The following AGBL1 variants were observed in gnomAD, a reference collection of about 807,000 sequenced individuals.
The protein encoded by AGBL1 is AGBL carboxypeptidase 1, also known as cytosolic carboxypeptidase 4.
In AGBL1, 130 loss-of-function variants were observed where a neutral mutation model predicts 118.9. The observed-to-expected ratio is 1.09, with a 90% CI of 0.95 to 1.26. The LOEUF (loss-of-function observed/expected upper bound fraction) is 1.26. Ranked by LOEUF, AGBL1 falls within the 50% of genes most tolerant of loss-of-function variation. The pLI is 0.00. For missense variants in AGBL1, 1,584 were observed against 1,298.1 expected (o/e 1.22, Z -3.38); for synonymous variants, 555 against 478.9 (o/e 1.16, Z -2.08).
intron 3 of AGBL1, among the ~76,000 whole-genome samples, chr15:86,150,925 C>G (rs1351404372): frequency 1.3e-5 from 2 of 151,838 alleles, no homozygotes; most frequent in East Asian, 1.9e-4. Context: ...CAATGATAGA[C>G]TGGATTAAAA....
intron 23 of AGBL1, among the ~76,000 whole-genome samples, chr15:86,982,474 GA>G (rs2081240636): frequency 6.6e-6 from 1 of 151,758 alleles, no homozygotes; most frequent in East Asian, 1.9e-4. Flanking sequence ...TGAACAATAT[GA>G]ATGTGATCTC....
chr15:86,541,926 T>C (rs1383654313), intron 19 of AGBL1, among the ~76,000 whole-genome samples: 3 of 152,210 alleles, frequency 2.0e-5, no homozygotes, highest in Non-Finnish European at 4.4e-5. Flanking sequence ...ATTACAAGAT[T>C]TGATAATATA....
chr15:86,757,860 A>C (rs1429309018), intron 22 of AGBL1, among the ~76,000 whole-genome samples: 1 of 152,100 alleles, frequency 6.6e-6, no homozygotes. Context: ...AGAACAAGAA[A>C]ACCCAGATTC....
intron 6 of AGBL1, among the ~76,000 whole-genome samples, chr15:86,227,581 G>T (rs1471389087): frequency 1.3e-5 from 2 of 152,230 alleles, no homozygotes; most frequent in African/African-American, 4.8e-5. Flanking sequence ...TCCCCCATGG[G>T]GGGTGGACAG....
chr15:86,424,447 C>T (rs1012716974), intron 18 of AGBL1, among the ~76,000 whole-genome samples: 1 of 152,086 alleles, frequency 6.6e-6, no homozygotes, highest in African/African-American at 2.4e-5. Flanking sequence ...AGAAGAAAAC[C>T]TAGGCAATAC....
At chr15:86,971,111 C>G (rs1042213302) in intron 23 of AGBL1, among the ~76,000 whole-genome samples, 4 of 152,000 alleles carry the variant, frequency 2.6e-5, no homozygotes, top group Non-Finnish European at 5.9e-5. Context: ...TGAGGGACAA[C>G]TCGAATTCAG....
At chr15:86,339,964 CAA>C (rs756139859) in intron 17 of AGBL1, among the ~76,000 whole-genome samples, 6 of 133,246 alleles carry the variant, frequency 4.5e-5, no homozygotes, top group African/African-American at 5.5e-5. Context: ...GACTCCATCT[CAA>C]AAAAAAAAAA....
At chr15:86,481,559 G>T (rs746008059) in intron 18 of AGBL1, among the ~76,000 whole-genome samples, 2 of 152,074 alleles carry the variant, frequency 1.3e-5, no homozygotes, top group Admixed American at 6.6e-5. Flanking sequence ...TGGTGCTTAT[G>T]TTTATGGCAC....
At chr15:86,372,474 T>A (rs72756232) in intron 17 of AGBL1, among the ~76,000 whole-genome samples, 15 of 152,326 alleles carry the variant, frequency 9.8e-5, no homozygotes, top group Non-Finnish European at 2.1e-4. Context: ...CTTGGTGTCT[T>A]TTATTTGAGT....
rs143298581 is a variant in AGBL1 at position 86,707,778 on chromosome 15, T to C, written c.3158+33342T>C. 1.7e-3 allele frequency among the ~76,000 whole-genome samples: 266 copies of C among 152,280 alleles called. 3 individuals are homozygous for C. The East Asian group carries it at 0.022, about 12-fold the overall frequency. ...CTGAAAGACTATTGTTATCATGAGA[T>C]CTTCTGAGCATTTTCCTAGAAGTAG... On this transcript the variant is annotated intron_variant, in intron 22 of 22. Coordinates refer to ENST00000614907, the MANE Select transcript of AGBL1 (RefSeq NM_001386094.1).
At chr15:86,300,307 GTT>G (rs984215491) in intron 17 of AGBL1, among the ~76,000 whole-genome samples, 2 of 152,038 alleles carry the variant, frequency 1.3e-5, no homozygotes, top group African/African-American at 2.4e-5. Flanking sequence ...TCCCATTTTA[GTT>G]TGGAGAGCTA....
At chr15:86,339,000 T>G (rs969252281) in intron 17 of AGBL1, among the ~76,000 whole-genome samples, 14 of 152,240 alleles carry the variant, frequency 9.2e-5, no homozygotes, top group Admixed American at 9.1e-4. Context: ...CATAAGTGGG[T>G]GTTGAATTTT....
Position 86,698,610 on chromosome 15 carries a change from G to T in AGBL1, c.3158+24174G>T, listed in dbSNP as rs79345564. Among the ~76,000 whole-genome samples, 820 of 138,472 alleles carry T rather than the reference G, an allele frequency of 5.9e-3. 6 individuals carry two copies. The highest frequency in any genetic ancestry group is 0.02 in the African/African-American group (755 of 38,170). The allele number at this position is 138,472 out of a possible 152,430, so 90.8% of individuals were successfully genotyped here. On this transcript the variant is annotated intron_variant, in intron 22 of 22. Transcript: ENST00000614907. ...CCATCTGTATATAGTGCTGATCATTGTTTTTTTTTTTTTTTAAAAAGAGAC... is the reference window on the plus strand; with the variant it reads ...CCATCTGTATATAGTGCTGATCATTTTTTTTTTTTTTTTTTAAAAAGAGAC...
At position 86,692,025 on chromosome 15, in the gene AGBL1, G is replaced by C. The variant is rs553890438; in HGVS notation, c.3158+17589G>C. On this transcript the variant is annotated intron_variant, in intron 22 of 22. Transcript: ENST00000614907. Reference sequence around the variant, plus strand: ...TTGAGGCTTGTCCCTCTCTTAATATGAGGTTTCTTAAGCTCGACAACACTG... The same window carrying C: ...TTGAGGCTTGTCCCTCTCTTAATATCAGGTTTCTTAAGCTCGACAACACTG... 1.8e-3 allele frequency among the ~76,000 whole-genome samples: 274 copies of C among 152,022 alleles called. 1 individual carries two copies. Among genetic ancestry groups the C allele is most frequent in the African/African-American group, 6.3e-3 (262 of 41,476 alleles).
chr15:86,655,222 C>T (rs1265621507), intron 21 of AGBL1, among the ~76,000 whole-genome samples: 2 of 152,140 alleles, frequency 1.3e-5, no homozygotes, highest in Non-Finnish European at 2.9e-5. Flanking sequence ...TTCAAACAGA[C>T]CTTCCTTTTA....
intron 23 of AGBL1, among the ~76,000 whole-genome samples, chr15:86,952,421 A>C (rs1288821904): frequency 6.6e-6 from 1 of 152,114 alleles, no homozygotes; most frequent in Non-Finnish European, 1.5e-5. Flanking sequence ...CTTTTTAATT[A>C]AGTGCTTAGA....
chr15:86,572,548 G>C (rs1397231208), intron 21 of AGBL1, among the ~76,000 whole-genome samples: 1 of 152,204 alleles, frequency 6.6e-6, no homozygotes, highest in African/African-American at 2.4e-5. Flanking sequence ...CCTCCTGCCT[G>C]CACCGTTCCC....
rs1897728926 is a variant in AGBL1, at chr15:86,115,990, A to G, written c.52-26014A>G. On this transcript the variant is annotated intron_variant, in intron 1 of 22. Coordinates refer to ENST00000614907, the MANE Select transcript of AGBL1 (RefSeq NM_001386094.1). ...ATGAGGTTGGTATTTAAGTCAGATC[A>G]TGTCACTTTTCCAACTAAAATTCTC... Among the ~76,000 whole-genome samples the G allele has an allele frequency of 5.3e-5, 8 of 152,334 alleles. 1 individual carries two copies. The Middle Eastern group carries it at 0.027, about 522-fold the overall frequency.
At chr15:86,482,516 C>T (rs781765161) in intron 18 of AGBL1, among the ~76,000 whole-genome samples, 101 of 152,178 alleles carry the variant, frequency 6.6e-4, no homozygotes, top group Non-Finnish European at 1.3e-3. Context: ...TTTTCTCCTC[C>T]TATTTCATCT....
Sources: gnomAD v4.1 joint callset for allele counts (sites outside exome capture counted in the v4.1 genomes callset) on GRCh38, gnomAD v4.1.1 for gene constraint, MANE v1.5 for transcripts, NCBI Gene and HGNC (gene_info 2026-07-23, HGNC 2026-07-21) for gene names.